ATL2: variants seen among roughly 807,000 people sequenced by gnomAD.
ATL2 encodes the protein atlastin GTPase 2.
A neutral mutation model predicts 73.9 loss-of-function variants in ATL2; 31 were observed. The ratio of observed to expected loss-of-function variants is 0.42; its 90% CI spans 0.32 to 0.57. The LOEUF is 0.57. Among genes scored for constraint, ATL2 ranks in the 20% least tolerant of loss-of-function variants. The probability of loss-of-function intolerance (pLI) is 0.14; values close to 1 mark genes in which losing one functional copy is unlikely to be tolerated. For synonymous variants in ATL2, 291 were observed against 237.5 expected (o/e 1.23, Z -2.07); for missense variants, 738 against 702.6 (o/e 1.05, Z -0.57).
At chr2:38,373,712 C>T (rs1671810860) in intron 1 of ATL2, among the ~76,000 whole-genome samples, 1 of 152,216 alleles carries the variant, frequency 6.6e-6, no homozygotes, top group Non-Finnish European at 1.5e-5. Flanking sequence ...CGTTCCATAA[C>T]TTGGAAAATC....
At chr2:38,304,070 C>G (rs765042136) in intron 9 of ATL2, among the ~76,000 whole-genome samples, 10 of 152,090 alleles carry the variant, frequency 6.6e-5, no homozygotes, top group Non-Finnish European at 1.3e-4. Context: ...TGGAGACCAG[C>G]CTGTTAAACA....
At chr2:38,340,186 G>A (rs1669630795) in intron 2 of ATL2, among the ~76,000 whole-genome samples, 1 of 61,070 alleles carries the variant, frequency 1.6e-5, no homozygotes, top group African/African-American at 7.5e-5. Context: ...GGGGGGGGGG[G>A]GTAGACATTA....
At chr2:38,351,950 A>G (rs1670371890) in intron 1 of ATL2, among the ~76,000 whole-genome samples, 2 of 151,684 alleles carry the variant, frequency 1.3e-5, no homozygotes, top group South Asian at 2.1e-4. Context: ...TGTCTCTACT[A>G]AAAATACAAA....
chr2:38,370,317 C>T (rs1477215819), intron 1 of ATL2, among the ~76,000 whole-genome samples: 2 of 151,198 alleles, frequency 1.3e-5, no homozygotes, highest in African/African-American at 2.4e-5. Context: ...GGCACGGTGG[C>T]GGGCACCTGT....
chr2:38,368,664 C>G (rs1573595788), intron 1 of ATL2, among the ~76,000 whole-genome samples: 1 of 152,174 alleles, frequency 6.6e-6, no homozygotes, highest in South Asian at 2.1e-4. Context: ...AACCAACACA[C>G]ACAATTCTCA....
At chr2:38,371,844 C>T (rs965028533) in intron 1 of ATL2, among the ~76,000 whole-genome samples, 5 of 152,048 alleles carry the variant, frequency 3.3e-5, no homozygotes, top group Admixed American at 2.0e-4. Context: ...TTGCAGTGAG[C>T]CAAGATCACG....
intron 4 of ATL2, among the ~76,000 whole-genome samples, chr2:38,316,379 G>C (rs1423914643): frequency 6.6e-6 from 1 of 152,136 alleles, no homozygotes; most frequent in Non-Finnish European, 1.5e-5. Flanking sequence ...TCCTTTCATT[G>C]TCAGGGCCAG....
intron 9 of ATL2, among the ~76,000 whole-genome samples, chr2:38,306,684 T>C (rs977708332): frequency 6.6e-6 from 1 of 152,206 alleles, no homozygotes. Flanking sequence ...GAAAAAGCAC[T>C]GGATAAAATT....
rs1666985893 is a variant in ATL2 at position 38,298,027 on chromosome 2, A to T, written c.1632+117T>A. 30 of 917,110 alleles carry T rather than the reference A, an allele frequency of 3.3e-5. No individual in the cohort carries two copies. The South Asian group carries it at 5.1e-4, about 16-fold the overall frequency. 56.8% of individuals were successfully genotyped at this position (917,110 alleles called of 1,614,324 possible). On this transcript the variant is annotated intron_variant, in intron 12 of 12. Transcript: ENST00000378954. ...AGATTCTACATCTGAACAAAACAGA[A>T]GACATCCTTTTGACATTCCTCACAT...
At chr2:38,311,799 T>C (rs1171818177) in intron 7 of ATL2, among the ~76,000 whole-genome samples, 2 of 152,216 alleles carry the variant, frequency 1.3e-5, no homozygotes, top group South Asian at 2.1e-4. Context: ...TCTGAATATA[T>C]GTATAACATT....
Position 38,309,483 on chromosome 2 carries a change from C to T in ATL2, c.967G>A (p.Glu323Lys). The change falls in exon 9 of 13, where the codon GAG becomes AAG. Residue 323 changes from glutamate to lysine, a missense_variant. Transcript: ENST00000378954. ...LKDIDEDFKR[E>K]LRNLVPLLLA... ...AGCAATGGAACCAGATTTCGAAGCTCTCGTTTAAAGTCTTCATCAATATCT... is the reference window on the plus strand; with the variant it reads ...AGCAATGGAACCAGATTTCGAAGCTTTCGTTTAAAGTCTTCATCAATATCT... The T allele has an allele frequency of 6.2e-7, 1 of 1,612,186 alleles. No homozygotes were observed. The highest frequency in any genetic ancestry group is 8.5e-7 in the Non-Finnish European group (1 of 1,179,592).
chr2:38,375,395 T>C (rs528936329), intron 1 of ATL2, among the ~76,000 whole-genome samples: 5 of 152,332 alleles, frequency 3.3e-5, no homozygotes, highest in African/African-American at 1.2e-4. Context: ...AGTGAAGGTC[T>C]TGCTGATCCG....
chr2:38,330,034 C>A (rs1354595875), intron 2 of ATL2, among the ~76,000 whole-genome samples: 1 of 151,758 alleles, frequency 6.6e-6, no homozygotes, highest in Non-Finnish European at 1.5e-5. Flanking sequence ...GAGGCTGAGG[C>A]AGGAGAATCG....
intron 1 of ATL2, among the ~76,000 whole-genome samples, chr2:38,365,158 CACACACAAAT>C (rs1166520283): frequency 1.0e-4 from 15 of 148,252 alleles, no homozygotes; most frequent in African/African-American, 3.6e-4. Flanking sequence ...CACACACACA[CACACACAAAT>C]ACACACACAC....
chr2:38,364,915 A>G (rs1446709044), intron 1 of ATL2, among the ~76,000 whole-genome samples: 1 of 151,994 alleles, frequency 6.6e-6, no homozygotes, highest in African/African-American at 2.4e-5. Flanking sequence ...GTGGTGGCAC[A>G]CGCCTGTAGT....
intron 1 of ATL2, among the ~76,000 whole-genome samples, chr2:38,354,555 C>T (rs546287798): frequency 1.4e-4 from 22 of 151,806 alleles, no homozygotes; most frequent in African/African-American, 4.1e-4. Context: ...CCTAGAGTAA[C>T]GGCTTTAAAA....
At chr2:38,297,212 T>C (rs552496531) in intron 12 of ATL2, among the ~76,000 whole-genome samples, 7 of 152,238 alleles carry the variant, frequency 4.6e-5, no homozygotes, top group African/African-American at 1.7e-4. Flanking sequence ...CAATCAACTT[T>C]CTTCAAAAAA....
chr2:38,370,028 C>T (rs1671576499), intron 1 of ATL2, among the ~76,000 whole-genome samples: 2 of 150,866 alleles, frequency 1.3e-5, no homozygotes, highest in Non-Finnish European at 2.9e-5. Flanking sequence ...GTGGCGGGCG[C>T]CTGTAGTCCC....
intron 4 of ATL2, among the ~76,000 whole-genome samples, chr2:38,316,878 G>A (rs930919581): frequency 3.3e-5 from 5 of 152,048 alleles, no homozygotes; most frequent in Admixed American, 3.3e-4. Context: ...TAACCTGAGG[G>A]GCTTCTGCTT....
Sources: allele counts gnomAD v4.1 joint callset (sites outside exome capture counted in the v4.1 genomes callset), GRCh38; gene constraint gnomAD v4.1.1; transcripts MANE v1.5; gene names NCBI Gene and HGNC (gene_info 2026-07-23, HGNC 2026-07-21).